AVL9: variants seen among roughly 807,000 people sequenced by gnomAD.
AVL9 encodes late secretory pathway protein AVL9 homolog.
In AVL9, 49 loss-of-function variants were observed where a neutral mutation model predicts 79.2. That is an observed-to-expected ratio of 0.62 (90% confidence interval 0.49 to 0.79). AVL9 has a LOEUF of 0.79. AVL9 is among the 30% of genes least tolerant of loss of function. The pLI is 0.00. For missense variants in AVL9, 682 were observed against 776.8 expected (o/e 0.88, Z 1.45); for synonymous variants, 299 against 280.6 (o/e 1.07, Z -0.65).
At chr7:32,563,856 G>C (rs1790436093) in intron 10 of AVL9, among the ~76,000 whole-genome samples, 1 of 152,060 alleles carries the variant, frequency 6.6e-6, no homozygotes, top group Non-Finnish European at 1.5e-5. Flanking sequence ...ACCTGCTTGG[G>C]ATTCTGAAAT....
intron 10 of AVL9, among the ~76,000 whole-genome samples, chr7:32,566,454 C>T (rs1441323102): frequency 1.3e-5 from 1 of 76,472 alleles, no homozygotes; most frequent in African/African-American, 5.3e-5. Context: ...CAGGTGTGAG[C>T]CACCATGCCC....
intron 15 of AVL9, 132 bp from the exon 16 acceptor site, chr7:32,583,660 C>CA: frequency 1.7e-6 from 1 of 574,340 alleles, no homozygotes; most frequent in South Asian, 2.3e-5. Context: ...GCCTGGGCGA[C>CA]AGAGTAAGAC....
At chr7:32,505,523 CAAA>C (rs34503683) in intron 1 of AVL9, among the ~76,000 whole-genome samples, 1 of 147,002 alleles carries the variant, frequency 6.8e-6, no homozygotes, top group Non-Finnish European at 1.5e-5. Flanking sequence ...AACTCCGTCT[CAAA>C]AAAAAAAAAG....
At chr7:32,548,305 A>G (rs1789629753) in intron 3 of AVL9, among the ~76,000 whole-genome samples, 1 of 151,484 alleles carries the variant, frequency 6.6e-6, no homozygotes, top group African/African-American at 2.4e-5. Flanking sequence ...GTGCCACCAC[A>G]CCTGGCTGAT....
intron 1 of AVL9, among the ~76,000 whole-genome samples, chr7:32,542,223 T>C (rs1421141784): frequency 6.7e-6 from 1 of 149,588 alleles, no homozygotes; most frequent in South Asian, 2.1e-4. Flanking sequence ...ATTTTAAATA[T>C]GGAATTGGAT....
chr7:32,523,508 C>CTTTTTTTTTTT (rs70992725), intron 1 of AVL9, among the ~76,000 whole-genome samples: 3 of 79,262 alleles, frequency 3.8e-5, no homozygotes, highest in Non-Finnish European at 6.6e-5. Flanking sequence ...TATAAATTTC[C>CTTTTTTTTTTT]TTTTTTTTTT....
chr7:32,576,301 T>TC (rs1486267602), intron 13 of AVL9, among the ~76,000 whole-genome samples: 32 of 152,304 alleles, frequency 2.1e-4, no homozygotes, highest in African/African-American at 6.7e-4. Flanking sequence ...TTTCCCTGGC[T>TC]CTCGATGTGA....
rs1562795540 is a variant in AVL9, at chr7:32,570,211, T to C, written c.1350+57T>C. ...CCTGCTCATCCCAGTTTTCCTTTCT[T>C]AACTACAATTATGAATACATAGTAA... On this transcript the variant is annotated intron_variant, in intron 11 of 15. Transcript: ENST00000318709. 4 of 1,600,656 alleles carry C rather than the reference T, an allele frequency of 2.5e-6. No individual in the cohort carries two copies. In the East Asian group the frequency reaches 8.9e-5, roughly 36 times the overall value.
At position 32,559,190 on chromosome 7, in the gene AVL9, A is replaced by C. The variant is rs1790223022; in HGVS notation, c.941A>C (p.Gln314Pro). 7.4e-6 allele frequency: 12 copies of C among 1,614,090 alleles called. No individual in the cohort carries two copies. Among genetic ancestry groups the C allele is most frequent in the Admixed American group, 3.3e-5 (2 of 60,006 alleles). ...SKGQEPNDTN[Q>P]YLKPPSRPSP... The stretch of plus-strand genomic sequence containing the variant: ...GGGCAGGAACCCAATGATACCAATC[A>C]ATATTTGAAACCTCCATCTCGCCCA... Residue 314 changes from glutamine (Q) to proline (P), a missense_variant, in exon 10 of 16, where the codon CAA (glutamine) becomes CCA (proline). Gln to Pro is a moderately conservative substitution (Grantham distance 76). Transcript: ENST00000318709.
intron 1 of AVL9, among the ~76,000 whole-genome samples, chr7:32,504,110 A>G (rs1227842382): frequency 6.6e-6 from 1 of 152,252 alleles, no homozygotes; most frequent in Non-Finnish European, 1.5e-5. Flanking sequence ...TTGCCTCATG[A>G]AATTTCAATA....
Position 32,584,062 on chromosome 7 carries a change from G to A in AVL9, c.*155G>A, listed in dbSNP as rs1198071347. On this transcript the variant is annotated 3_prime_UTR_variant, in exon 16 of 16. Transcript: ENST00000318709. Reference sequence around the variant, plus strand: ...CTCTAAGTGAATGTTTCGGGATGCCGAAATGATGAAATCACAGCCATAGCA... The same window carrying A: ...CTCTAAGTGAATGTTTCGGGATGCCAAAATGATGAAATCACAGCCATAGCA... The A allele has an allele frequency of 2.4e-5, 17 of 697,376 alleles. No individual in the cohort carries two copies. Among genetic ancestry groups the A allele is most frequent in the East Asian group, 1.1e-4 (4 of 36,486 alleles). 43.2% of individuals were successfully genotyped at this position (697,376 alleles called of 1,614,324 possible).
chr7:32,556,044 A>G lies in AVL9; in HGVS notation c.609+1448A>G, dbSNP rs193085560. On this transcript the variant is annotated intron_variant, in intron 8 of 15. Transcript: ENST00000318709. Reference sequence around the variant, plus strand: ...TTATTGTTTTAAAGATTTTCATGGCATGTTAAGTGAGAAAAGTTTGTCTAC... The same window carrying G: ...TTATTGTTTTAAAGATTTTCATGGCGTGTTAAGTGAGAAAAGTTTGTCTAC... Among the ~76,000 whole-genome samples the G allele has an allele frequency of 5.9e-4, 90 of 152,318 alleles. 1 individual carries two copies. The highest frequency in any genetic ancestry group is 2.0e-3 in the African/African-American group (83 of 41,580).
chr7:32,525,959 T>C (rs1788383679), intron 1 of AVL9, among the ~76,000 whole-genome samples: 1 of 152,096 alleles, frequency 6.6e-6, no homozygotes, highest in African/African-American at 2.4e-5. Context: ...GCAGGGTTCA[T>C]TGAGTGAAAA....
intron 1 of AVL9, among the ~76,000 whole-genome samples, chr7:32,512,272 G>A (rs942267856): frequency 1.3e-5 from 2 of 152,234 alleles, no homozygotes; most frequent in African/African-American, 4.8e-5. Flanking sequence ...GCCTAGGAGA[G>A]CAGTTCTGAA....
At chr7:32,581,271 C>A in intron 15 of AVL9, 1 of 157,730 alleles carries the variant, frequency 6.3e-6, no homozygotes. Context: ...GAAAATGAAG[C>A]CAACAGTTGG....
chr7:32,501,332 T>C (rs1388780765), intron 1 of AVL9, among the ~76,000 whole-genome samples: 2 of 152,236 alleles, frequency 1.3e-5, no homozygotes, highest in Non-Finnish European at 1.5e-5. Flanking sequence ...AGTAGTTCTT[T>C]GGAACAAGAA....
intron 3 of AVL9, among the ~76,000 whole-genome samples, chr7:32,547,953 T>C (rs1789599343): frequency 6.6e-6 from 1 of 152,144 alleles, no homozygotes; most frequent in African/African-American, 2.4e-5. Context: ...AAATGAAGAT[T>C]TGCTCTCTAC....
At chr7:32,556,965 C>A (rs947275374) in intron 8 of AVL9, among the ~76,000 whole-genome samples, 7 of 152,120 alleles carry the variant, frequency 4.6e-5, no homozygotes, top group African/African-American at 1.4e-4. Flanking sequence ...TATATATGTC[C>A]ATTTTTTCCC....
Position 32,583,810 on chromosome 7 carries a change from C to T in AVL9, c.1850C>T (p.Ala617Val), listed in dbSNP as rs149541266. 3.7e-6 allele frequency: 6 copies of T among 1,613,716 alleles called. No individual in the cohort carries two copies. In the East Asian group the frequency reaches 1.1e-4, roughly 30 times the overall value. Residue 617 changes from alanine (A) to valine (V), a missense_variant, in exon 16 of 16, where the codon GCT becomes GTT. Transcript: ENST00000318709. The stretch of plus-strand genomic sequence containing the variant: ...CATCCAGGCCAGTCAGTTGGAGGAG[C>T]TTTTTCCAGTGCAAAGACAGCTATG... Reference protein sequence around the residue: ...GKAVGQSVGGAFSSAKTAMSS... With the variant: ...GKAVGQSVGGVFSSAKTAMSS...
Sources: gnomAD v4.1 joint callset for allele counts (sites outside exome capture counted in the v4.1 genomes callset) on GRCh38, gnomAD v4.1.1 for gene constraint, MANE v1.5 for transcripts, NCBI Gene and HGNC (gene_info 2026-07-23, HGNC 2026-07-21) for gene names.